Variants in RBFOX3 observed in about 807,000 individuals in gnomAD.
The protein encoded by RBFOX3 is RNA binding fox-1 homolog 3.
Under a neutral mutation model 48.7 loss-of-function variants are expected in RBFOX3, and 17 were observed. That is an observed-to-expected ratio of 0.35 (90% confidence interval 0.24 to 0.52). The LOEUF (loss-of-function observed/expected upper bound fraction) is 0.52, where lower values mean the gene tolerates loss of function less well. Among genes scored for constraint, RBFOX3 ranks in the 20% least tolerant of loss-of-function variants. The probability of loss-of-function intolerance (pLI) is 0.94; values close to 1 mark genes in which losing one functional copy is unlikely to be tolerated. For missense variants in RBFOX3, 382 were observed against 497.5 expected (o/e 0.77, Z 2.21); for synonymous variants, 212 against 209.5 (o/e 1.01, Z -0.10).
Position 79,205,295 on chromosome 17 carries a change from G to C in RBFOX3, c.-34+30471C>G, listed in dbSNP as rs951644176. Among the ~76,000 whole-genome samples, 2 of 152,138 alleles carry C rather than the reference G, an allele frequency of 1.3e-5. No homozygotes were observed. The highest frequency in any genetic ancestry group is 4.1e-4 in the South Asian group (2 of 4,824). ...AAAACACCATCATTTCTGCCAGTTA[G>C]AGTGGGGGTCCACAGAAACCCAGGG... On this transcript the variant is annotated intron_variant, in intron 4 of 14. Coordinates refer to ENST00000693108, the MANE Select transcript of RBFOX3 (RefSeq NM_001350451.2). The surrounding 1 kb of genome is among the most constrained non-coding windows in gnomAD (Gnocchi z 4.5).
At chr17:79,117,927 G>GT (rs2034541687) in intron 4 of RBFOX3, among the ~76,000 whole-genome samples, 1 of 152,220 alleles carries the variant, frequency 6.6e-6, no homozygotes, top group Middle Eastern at 3.2e-3. Flanking sequence ...CACCAGGGAG[G>GT]TGGCCCCAAG....
At chr17:79,556,467 G>A (rs1040423811) in intron 1 of RBFOX3, among the ~76,000 whole-genome samples, 58 of 152,298 alleles carry the variant, frequency 3.8e-4, no homozygotes, top group African/African-American at 1.3e-3. Context: ...TGCCCAGGCC[G>A]CCCACAGGAA....
chr17:79,544,969 T>C (rs549756103), intron 1 of RBFOX3, among the ~76,000 whole-genome samples: 1 of 89,822 alleles, frequency 1.1e-5, no homozygotes, highest in Non-Finnish European at 2.2e-5. Context: ...ACCACATCAT[T>C]AAGGGCAAAA....
At chr17:79,650,041 C>CA in the RBFOX3 span, among the ~76,000 whole-genome samples, 7 of 152,188 alleles carry the variant, frequency 4.6e-5, no homozygotes, top group African/African-American at 7.2e-5. Context: ...CCACCTCCAA[C>CA]ATTGGGGATT....
chr17:79,351,545 G>A (rs775567603), intron 2 of RBFOX3, among the ~76,000 whole-genome samples: 1 of 152,136 alleles, frequency 6.6e-6, no homozygotes, highest in Non-Finnish European at 1.5e-5. Context: ...TGTGCCAGGT[G>A]GAGTCTTGTT....
intron 4 of RBFOX3, among the ~76,000 whole-genome samples, chr17:79,151,363 G>A (rs1048602009): frequency 1.4e-5 from 2 of 144,750 alleles, no homozygotes; most frequent in Non-Finnish European, 1.5e-5. Flanking sequence ...TCGGTGTCAC[G>A]GGAAGGAGGG....
chr17:79,375,095 T>A (rs907910), intron 2 of RBFOX3, among the ~76,000 whole-genome samples: 50,817 of 152,082 alleles, frequency 0.33, 8,668 homozygotes, highest in Non-Finnish European at 0.36. Flanking sequence ...TGCCATTGAA[T>A]GACACCCTGT....
intron 2 of RBFOX3, among the ~76,000 whole-genome samples, chr17:79,387,470 T>C (rs546535002): frequency 9.3e-4 from 142 of 152,356 alleles, no homozygotes; most frequent in African/African-American, 3.4e-3. Flanking sequence ...CGGCAGGGCC[T>C]GATCTAGGGA....
At chr17:79,189,605 G>A (rs1890957068) in intron 4 of RBFOX3, among the ~76,000 whole-genome samples, 1 of 152,202 alleles carries the variant, frequency 6.6e-6, no homozygotes, top group Middle Eastern at 3.2e-3. Context: ...GTGGGTTGCT[G>A]AGCCCTGTGA....
intron 1 of RBFOX3, among the ~76,000 whole-genome samples, chr17:79,514,388 A>G (rs2084951385): frequency 1.3e-5 from 2 of 152,200 alleles, no homozygotes; most frequent in Admixed American, 1.3e-4. Flanking sequence ...GCAGTGGGCC[A>G]CTATTGCCTC....
intron 1 of RBFOX3, among the ~76,000 whole-genome samples, chr17:79,590,240 C>G (rs1011210401): frequency 2.6e-5 from 4 of 152,142 alleles, no homozygotes; most frequent in African/African-American, 9.7e-5. Context: ...GCCAAGATAG[C>G]ACGCGGTAAG....
the RBFOX3 span, among the ~76,000 whole-genome samples, chr17:79,646,460 T>C: frequency 2.6e-5 from 4 of 152,122 alleles, no homozygotes; most frequent in African/African-American, 9.7e-5. Context: ...GGCCTCACAG[T>C]CATGGCAGAA....
intron 1 of RBFOX3, among the ~76,000 whole-genome samples, chr17:79,546,746 T>C (rs552634775): frequency 6.6e-6 from 1 of 150,820 alleles, no homozygotes; most frequent in Admixed American, 6.6e-5. Flanking sequence ...CTCTGCTCAC[T>C]GCAACCTCCG....
At chr17:79,454,340 C>T (rs1260531792) in intron 2 of RBFOX3, among the ~76,000 whole-genome samples, 1 of 152,144 alleles carries the variant, frequency 6.6e-6, no homozygotes, top group Non-Finnish European at 1.5e-5. Flanking sequence ...CTGTCCTGCC[C>T]CAGGGCCAGG....
chr17:79,316,789 G>A (rs1024186394), intron 2 of RBFOX3, among the ~76,000 whole-genome samples: 4 of 152,196 alleles, frequency 2.6e-5, no homozygotes, highest in African/African-American at 9.7e-5. Flanking sequence ...CATTGTTTTA[G>A]TATAAGTTCA....
rs942620738 is a variant in RBFOX3 at position 79,299,935 on chromosome 17, C to T, written c.-74+7789G>A. ...TTTTTTTTTTTTTGAGACAGTGTCT[C>T]GCTCTGTGGCCCAGGCTGGAGTGCA... On this transcript the variant is annotated intron_variant, in intron 3 of 14. Coordinates refer to ENST00000693108, the MANE Select transcript of RBFOX3 (RefSeq NM_001350451.2). The surrounding 1 kb of genome is among the most constrained non-coding windows in gnomAD (Gnocchi z 4.5). Among the ~76,000 whole-genome samples the T allele has an allele frequency of 4.0e-5, 6 of 150,910 alleles. No individual in the cohort carries two copies. The highest frequency in any genetic ancestry group is 9.7e-5 in the African/African-American group (4 of 41,034).
intron 2 of RBFOX3, among the ~76,000 whole-genome samples, chr17:79,327,670 G>C (rs1290161535): frequency 6.6e-6 from 1 of 152,130 alleles, no homozygotes; most frequent in Non-Finnish European, 1.5e-5. Context: ...TTCTGGTTTT[G>C]CCAAGCCTGC....
intron 3 of RBFOX3, among the ~76,000 whole-genome samples, chr17:79,300,681 T>C (rs758379425): frequency 2.0e-5 from 3 of 152,078 alleles, no homozygotes; most frequent in Non-Finnish European, 2.9e-5. Context: ...GCTGTGACTA[T>C]TATTGTTGTT....
intron 4 of RBFOX3, among the ~76,000 whole-genome samples, chr17:79,165,177 C>T (rs750569184): frequency 2.0e-5 from 3 of 152,158 alleles, no homozygotes; most frequent in Non-Finnish European, 4.4e-5. Flanking sequence ...TCCTGCACAG[C>T]CCTCTGGGCT....
Sources: allele counts gnomAD v4.1 joint callset (sites outside exome capture counted in the v4.1 genomes callset), GRCh38; gene constraint gnomAD v4.1.1; non-coding constraint Gnocchi (gnomAD v3.1); transcripts MANE v1.5; gene names NCBI Gene and HGNC (gene_info 2026-07-23, HGNC 2026-07-21).